The following PPP3R2 variants were observed in gnomAD, a reference collection of about 807,000 sequenced individuals.
PPP3R2 encodes protein phosphatase 3 regulatory subunit B, beta, also known as calcineurin subunit B type 2.
For synonymous variants in PPP3R2, 91 were observed against 91.5 expected (o/e 0.99, Z 0.03); for missense variants, 225 against 217.4 (o/e 1.03, Z -0.22).
rs751096597 is a variant in PPP3R2 at position 101,594,857 on chromosome 9, C to T, written c.65G>A (p.Arg22Lys). ...CAACTTCTTAAACCTCCTGCCCAGC[C>T]TTTTAATTTCATCATTGTCAAAGTG... is the stretch of plus-strand genomic sequence containing the variant. ...CSHFDNDEIK[R>K]LGRRFKKLDL... The change falls in exon 1 of 1, where the codon AGG becomes AAG. Residue 22 changes from arginine to lysine, a missense_variant. Arg to Lys is a conservative substitution (Grantham distance 26, BLOSUM62 2). Coordinates refer to ENST00000374806, the MANE Select transcript of PPP3R2 (RefSeq NM_147180.4). 6.2e-7 allele frequency: 1 copy of T among 1,604,914 alleles called. No individual in the cohort carries two copies. The highest frequency in any genetic ancestry group is 8.5e-7 in the Non-Finnish European group (1 of 1,179,986).
In PPP3R2 at chr9:101,594,097, T is replaced by C. The variant is rs980055724; in HGVS notation, c.*312A>G. The stretch of plus-strand genomic sequence containing the variant: ...AACAGCAAAAATGTATACTTTCTTA[T>C]TTTTGAACTTTTAAAGTTCTAGTTT... On this transcript the variant is annotated 3_prime_UTR_variant, in exon 1 of 1. Coordinates refer to ENST00000374806, the MANE Select transcript of PPP3R2 (RefSeq NM_147180.4). 4 of 276,836 alleles carry C rather than the reference T, an allele frequency of 1.4e-5. No individual in the cohort carries two copies. The highest frequency in any genetic ancestry group is 8.8e-5 in the African/African-American group (4 of 45,342). The allele number at this position is 276,836 out of a possible 1,614,324, so 17.1% of individuals were successfully genotyped here.
At position 101,594,589 on chromosome 9, in the gene PPP3R2, C is replaced by T. The variant is rs748611281; in HGVS notation, c.333G>A (p.Glu111=). 6 of 1,614,216 alleles carry T rather than the reference C, an allele frequency of 3.7e-6. No homozygotes were observed. In the South Asian group the frequency reaches 6.6e-5, roughly 18 times the overall value. ...MDKDGYISNG[E]LFQVLKMMVG... is the part of the protein sequence containing the mutation. ...CCATCATCTTCAGCACCTGGAAGAG[C>T]TCCCCGTTGGAAATGTAGCCATCTT... Residue 111 remains glutamate, a synonymous_variant, in exon 1 of 1, where the codon GAG becomes GAA. Coordinates refer to ENST00000374806, the MANE Select transcript of PPP3R2 (RefSeq NM_147180.4).
rs770358010 is a variant in PPP3R2 at position 101,594,493 on chromosome 9, A to C, written c.429T>G (p.Asp143Glu). The change falls in exon 1 of 1, where the codon GAT becomes GAG. Residue 143 changes from aspartate (D) to glutamate (E), a missense_variant. Asp to Glu is a conservative substitution (Grantham distance 45). Transcript: ENST00000374806. Reference sequence around the variant, plus strand: ...CCTCAAAGGATATCTTCCCATCGCCATCCTTGTCCAGGATGATGATGGTTT... The same window carrying C: ...CCTCAAAGGATATCTTCCCATCGCCCTCCTTGTCCAGGATGATGATGGTTT... ...VDKTIIILDK[D>E]GDGKISFEEF... The C allele has an allele frequency of 6.8e-6, 11 of 1,614,094 alleles. No individual in the cohort carries two copies. In the African/African-American group the frequency reaches 1.5e-4, roughly 22 times the overall value.
chr9:101,594,816 C>T lies in PPP3R2; in HGVS notation c.106G>A (p.Gly36Arg), dbSNP rs1445752266. ...ATGAACTCCTCCACGCTCAGAGACC[C>T]TGATTTGTCCAAGTCCAACTTCTTA... The part of the protein sequence containing the change: ...RFKKLDLDKS[G>R]SLSVEEFMSL... Residue 36 changes from glycine (G) to arginine (R), a missense_variant, in exon 1 of 1, where the codon GGG becomes AGG. Physicochemically the swap from Gly to Arg is moderately radical, Grantham distance 125. Coordinates refer to ENST00000374806, the MANE Select transcript of PPP3R2 (RefSeq NM_147180.4). The T allele has an allele frequency of 5.0e-6, 8 of 1,611,800 alleles. No individual in the cohort carries two copies. Among genetic ancestry groups the T allele is most frequent in the South Asian group, 1.1e-5 (1 of 91,082 alleles).
At position 101,593,251 on chromosome 9, in the gene PPP3R2, C is replaced by T. The variant is rs1828057631; in HGVS notation, c.*1158G>A. On this transcript the variant is annotated 3_prime_UTR_variant, in exon 1 of 1. Transcript: ENST00000374806. ...GCATTCTGGATCTCCCCTGGAACCA[C>T]AGGCTCCGGCTCACCCAATGGTGGA... 1.3e-5 allele frequency: 2 copies of T among 152,236 alleles called. No individual in the cohort carries two copies. Among genetic ancestry groups the T allele is most frequent in the African/African-American group, 4.8e-5 (2 of 41,450 alleles). The allele number at this position is 152,236 out of a possible 1,614,324, so 9.4% of individuals were successfully genotyped here.
chr9:101,594,644 C>G lies in PPP3R2; in HGVS notation c.278G>C (p.Arg93Thr), dbSNP rs751694822. 6 of 1,614,182 alleles carry G rather than the reference C, an allele frequency of 3.7e-6. No individual in the cohort carries two copies. In the South Asian group the frequency reaches 6.6e-5, roughly 18 times the overall value. Residue 93 changes from arginine to threonine, a missense_variant, in exon 1 of 1, where the codon AGG becomes ACG. Transcript: ENST00000374806. ...CATGTCGTAAATGCTGAACGCAAAC[C>G]TCAACTTCTGCTCCTCGTCGCCCTT... ...SVKGDEEQKL[R>T]FAFSIYDMDK... is the part of the protein sequence containing the mutation.
Position 101,591,751 on chromosome 9 carries a change from C to T in PPP3R2, c.*2658G>A, listed in dbSNP as rs545355394. The T allele has an allele frequency of 1.3e-5, 2 of 152,232 alleles. No homozygotes were observed. Among genetic ancestry groups the T allele is most frequent in the Admixed American group, 6.5e-5 (1 of 15,298 alleles). 9.4% of individuals were successfully genotyped at this position (152,232 alleles called of 1,614,324 possible). A position where few individuals can be genotyped will look rare whatever the true frequency, so the allele number is the denominator to read the frequency against. The stretch of plus-strand genomic sequence containing the variant: ...ATGTGATTCTTTTAACCCAAATATC[C>T]AGTTAGATCTTTCAAGTGCTAAATC... On this transcript the variant is annotated 3_prime_UTR_variant, in exon 1 of 1. Transcript: ENST00000374806.
Position 101,594,017 on chromosome 9 carries a change from A to G in PPP3R2, c.*392T>C. ...GAACACAAGCAAATGAAAACAGTTCACCTAACACCCATGCAAATTATAAAT... is the reference window on the plus strand; with the variant it reads ...GAACACAAGCAAATGAAAACAGTTCGCCTAACACCCATGCAAATTATAAAT... On this transcript the variant is annotated 3_prime_UTR_variant, in exon 1 of 1. Transcript: ENST00000374806. 5.8e-6 allele frequency: 1 copy of G among 173,380 alleles called. No individual in the cohort carries two copies. Among genetic ancestry groups the G allele is most frequent in the South Asian group, 1.6e-4 (1 of 6,204 alleles). The allele number at this position is 173,380 out of a possible 1,614,324, so 10.7% of individuals were successfully genotyped here.
In PPP3R2 at chr9:101,594,688, C is replaced by A; in HGVS notation, c.234G>T (p.Gly78=). 1 of 1,614,178 alleles carries A rather than the reference C, an allele frequency of 6.2e-7. No homozygotes were observed. The highest frequency in any genetic ancestry group is 8.5e-7 in the Non-Finnish European group (1 of 1,180,048). ...CGCCCTTGACGCTGAACTGGGAGGT[C>A]CCCAGGATGAATTCCTTGAAGTCCA... The part of the protein sequence containing the change: ...GEVDFKEFIL[G]TSQFSVKGDE... The change falls in exon 1 of 1, where the codon GGG becomes GGT. Residue 78 remains glycine, a synonymous_variant. Coordinates refer to ENST00000374806, the MANE Select transcript of PPP3R2 (RefSeq NM_147180.4).
Position 101,594,447 on chromosome 9 carries a change from C to T in PPP3R2, c.475G>A (p.Asp159Asn). ...ACCAGCTTCTTGTGGATCTCCAGGTCTCTGACCACAGCACTGAATTCCTCA... is the reference window on the plus strand; with the variant it reads ...ACCAGCTTCTTGTGGATCTCCAGGTTTCTGACCACAGCACTGAATTCCTCA... ...SFEEFSAVVRDLEIHKKLVLI... is the reference protein window; with the variant it reads ...SFEEFSAVVRNLEIHKKLVLI... The change falls in exon 1 of 1, where the codon GAC becomes AAC. Residue 159 changes from aspartate (D) to asparagine (N), a missense_variant. Asp to Asn is a conservative substitution (Grantham distance 23, BLOSUM62 1). Transcript: ENST00000374806. 1 of 1,613,176 alleles carries T rather than the reference C, an allele frequency of 6.2e-7. No homozygotes were observed. Among genetic ancestry groups the T allele is most frequent in the South Asian group, 1.1e-5 (1 of 91,030 alleles).
At position 101,594,908 on chromosome 9, in the gene PPP3R2, G is replaced by T. The variant is rs1409335296; in HGVS notation, c.14C>A (p.Ala5Asp). Residue 5 changes from alanine to aspartate, a missense_variant, in exon 1 of 1, where the codon GCC becomes GAC. Ala to Asp is a moderately radical substitution (Grantham distance 126). Transcript: ENST00000374806. MGNEASYPAEMCSHF... is the reference protein window; with the variant it reads MGNEDSYPAEMCSHF... ...GGAGCACATCTCCGCCGGGTAACTG[G>T]CCTCGTTTCCCATTGTGGACATCTG... The T allele has an allele frequency of 1.9e-6, 3 of 1,599,322 alleles. No homozygotes were observed. The highest frequency in any genetic ancestry group is 2.5e-6 in the Non-Finnish European group (3 of 1,179,594).
rs1412963098 is a variant in PPP3R2 at position 101,593,097 on chromosome 9, G to A, written c.*1312C>T. ...GGAGCTGGTAACATTTGGGGTACAG[G>A]CAGTGATGTATTTACTGGTAAACAA... On this transcript the variant is annotated 3_prime_UTR_variant, in exon 1 of 1. Coordinates refer to ENST00000374806, the MANE Select transcript of PPP3R2 (RefSeq NM_147180.4). 6.6e-6 allele frequency: 1 copy of A among 152,162 alleles called. No individual in the cohort carries two copies. The highest frequency in any genetic ancestry group is 1.9e-4 in the East Asian group (1 of 5,190). 9.4% of individuals were successfully genotyped at this position (152,162 alleles called of 1,614,324 possible).
Position 101,592,517 on chromosome 9 carries a change from G to A in PPP3R2, c.*1892C>T, listed in dbSNP as rs557144351. 1 of 152,304 alleles carries A rather than the reference G, an allele frequency of 6.6e-6. No homozygotes were observed. The highest frequency in any genetic ancestry group is 2.1e-4 in the South Asian group (1 of 4,824). The allele number at this position is 152,304 out of a possible 1,614,324, so 9.4% of individuals were successfully genotyped here. A position where few individuals can be genotyped will look rare whatever the true frequency, so the allele number is the denominator to read the frequency against. On this transcript the variant is annotated 3_prime_UTR_variant, in exon 1 of 1. Coordinates refer to ENST00000374806, the MANE Select transcript of PPP3R2 (RefSeq NM_147180.4). ...TGCTCACACAGCTAAAAAGAAGTGAGTGTGATAACAACCCAGTTGCAACTG... is the reference window on the plus strand; with the variant it reads ...TGCTCACACAGCTAAAAAGAAGTGAATGTGATAACAACCCAGTTGCAACTG...
Position 101,594,432 on chromosome 9 carries a change from T to C in PPP3R2, c.490A>G (p.Lys164Glu). 1 of 1,610,266 alleles carries C rather than the reference T, an allele frequency of 6.2e-7. No individual in the cohort carries two copies. Among genetic ancestry groups the C allele is most frequent in the African/African-American group, 1.3e-5 (1 of 74,958 alleles). The change falls in exon 1 of 1, where the codon AAG (lysine) becomes GAG (glutamate). Residue 164 changes from lysine (K) to glutamate (E), a missense_variant. Physicochemically the swap from Lys to Glu is moderately conservative, Grantham distance 56. Transcript: ENST00000374806. ...SAVVRDLEIH[K>E]KLVLIV Reference sequence around the variant, plus strand: ...GCTCATACGATGAGGACCAGCTTCTTGTGGATCTCCAGGTCTCTGACCACA... The same window carrying C: ...GCTCATACGATGAGGACCAGCTTCTCGTGGATCTCCAGGTCTCTGACCACA...
chr9:101,592,604 G>C lies in PPP3R2; in HGVS notation c.*1805C>G, dbSNP rs1828046072. Reference sequence around the variant, plus strand: ...ACATAACCCTGATCACCACAGGGTTGGGAGCGTTTATCACAGTTTTTAGGG... The same window carrying C: ...ACATAACCCTGATCACCACAGGGTTCGGAGCGTTTATCACAGTTTTTAGGG... On this transcript the variant is annotated 3_prime_UTR_variant, in exon 1 of 1. Coordinates refer to ENST00000374806, the MANE Select transcript of PPP3R2 (RefSeq NM_147180.4). 6.6e-6 allele frequency: 1 copy of C among 152,198 alleles called. No homozygotes were observed. Among genetic ancestry groups the C allele is most frequent in the African/African-American group, 2.4e-5 (1 of 41,446 alleles). The allele number at this position is 152,198 out of a possible 1,614,324, so 9.4% of individuals were successfully genotyped here. A position where few individuals can be genotyped will look rare whatever the true frequency, so the allele number is the denominator to read the frequency against.
rs1588240849 is a variant in PPP3R2 at position 101,594,908 on chromosome 9, GC to G, written c.13del (p.Ala5ProfsTer34). On this transcript the variant is annotated frameshift_variant, in exon 1 of 1. Transcript: ENST00000374806. LOFTEE classifies it low-confidence loss of function (END_TRUNC). ...GGAGCACATCTCCGCCGGGTAACTG[GC>G]CTCGTTTCCCATTGTGGACATCTGG... The part of the protein sequence containing the change: MGNE[A>X]SYPAEMCSHF... The G allele has an allele frequency of 1.9e-6, 3 of 1,599,322 alleles. No individual in the cohort carries two copies. In the East Asian group the frequency reaches 6.7e-5, roughly 36 times the overall value.
rs751980614 is a variant in PPP3R2, at chr9:101,594,834, ACTT to A, written c.85_87del (p.Lys29del). ...AGAGACCCTGATTTGTCCAAGTCCA[ACTT>A]CTTAAACCTCCTGCCCAGCCTTTTA... On this transcript the variant is annotated inframe_deletion, in exon 1 of 1. Transcript: ENST00000374806. 1 of 1,609,500 alleles carries A rather than the reference ACTT, an allele frequency of 6.2e-7. No individual in the cohort carries two copies.
rs979488528 is a variant in PPP3R2, at chr9:101,592,568, C to G, written c.*1841G>C. ...AATCCAAACCCAGGTGTGTCTGAATCTTTGAACATTACATAACCCTGATCA... is the reference window on the plus strand; with the variant it reads ...AATCCAAACCCAGGTGTGTCTGAATGTTTGAACATTACATAACCCTGATCA... On this transcript the variant is annotated 3_prime_UTR_variant, in exon 1 of 1. Transcript: ENST00000374806. The G allele has an allele frequency of 6.6e-6, 1 of 152,150 alleles. No individual in the cohort carries two copies. The highest frequency in any genetic ancestry group is 6.5e-5 in the Admixed American group (1 of 15,276). The allele number at this position is 152,150 out of a possible 1,614,324, so 9.4% of individuals were successfully genotyped here.
At position 101,594,266 on chromosome 9, in the gene PPP3R2, A is replaced by T; in HGVS notation, c.*143T>A. ...GAGAATTAATAGCACTGAGTTGGTGATGAAGCTCCTGTTAGGACATATGGC... is the reference window on the plus strand; with the variant it reads ...GAGAATTAATAGCACTGAGTTGGTGTTGAAGCTCCTGTTAGGACATATGGC... On this transcript the variant is annotated 3_prime_UTR_variant, in exon 1 of 1. Coordinates refer to ENST00000374806, the MANE Select transcript of PPP3R2 (RefSeq NM_147180.4). 9.5e-7 allele frequency: 1 copy of T among 1,049,130 alleles called. No individual in the cohort carries two copies. Among genetic ancestry groups the T allele is most frequent in the South Asian group, 1.7e-5 (1 of 58,356 alleles). The allele number at this position is 1,049,130 out of a possible 1,614,324, so 65.0% of individuals were successfully genotyped here. A position where few individuals can be genotyped will look rare whatever the true frequency, so the allele number is the denominator to read the frequency against.
Sources: gnomAD v4.1 joint callset for allele counts on GRCh38, gnomAD v4.1.1 for gene constraint, MANE v1.5 for transcripts, NCBI Gene and HGNC (gene_info 2026-07-23, HGNC 2026-07-21) for gene names.